Variants in CLIP2 observed in about 807,000 individuals in gnomAD.
The protein encoded by CLIP2 is CAP-Gly domain-containing linker protein 2.
A neutral mutation model predicts 111.7 loss-of-function variants in CLIP2; 41 were observed. The observed-to-expected ratio is 0.37, with a 90% CI of 0.29 to 0.48. CLIP2 has a LOEUF of 0.48. Among genes scored for constraint, CLIP2 ranks in the 20% least tolerant of loss-of-function variants. CLIP2 has a pLI of 0.99. For synonymous variants in CLIP2, 660 were observed against 644.2 expected (o/e 1.02, Z -0.37); for missense variants, 1,160 against 1,422.1 (o/e 0.82, Z 2.96).
chr7:74,379,284 G>A (rs916050007), intron 10 of CLIP2, among the ~76,000 whole-genome samples: 9 of 151,308 alleles, frequency 5.9e-5, no homozygotes, highest in South Asian at 2.1e-4. Flanking sequence ...AGCCAAGATC[G>A]TGCCACTGCA....
chr7:74,303,843 C>T (rs782603620), intron 1 of CLIP2, among the ~76,000 whole-genome samples: 3 of 143,626 alleles, frequency 2.1e-5, no homozygotes, highest in Non-Finnish European at 3.0e-5. Flanking sequence ...ACTCAGCAGG[C>T]GGAGGTTGCA....
chr7:74,310,983 CT>C (rs34526196), intron 1 of CLIP2, among the ~76,000 whole-genome samples: 40 of 142,190 alleles, frequency 2.8e-4, no homozygotes, highest in East Asian at 4.1e-4. Context: ...CTATTTTTAA[CT>C]TTTTTTTTTT....
At chr7:74,394,910 C>T (rs1791404264) in intron 13 of CLIP2, among the ~76,000 whole-genome samples, 1 of 152,168 alleles carries the variant, frequency 6.6e-6, no homozygotes, top group African/African-American at 2.4e-5. Flanking sequence ...TCACCTTCTC[C>T]GAGGAAGCTT....
At chr7:74,347,275 C>CT (rs1279710190) in intron 3 of CLIP2, among the ~76,000 whole-genome samples, 1 of 151,906 alleles carries the variant, frequency 6.6e-6, no homozygotes, top group African/African-American at 2.4e-5. Flanking sequence ...CATGTGTATT[C>CT]TTTTTCTTTT....
chr7:74,392,350 C>CA (rs56386461), intron 13 of CLIP2, among the ~76,000 whole-genome samples: 339 of 127,166 alleles, frequency 2.7e-3, no homozygotes, highest in Middle Eastern at 4.0e-3. Context: ...GACTCCATCT[C>CA]AAAAAAAAAA....
Position 74,295,464 on chromosome 7 carries a change from G to GTC in CLIP2, c.-68+5732_-68+5733dup, listed in dbSNP as rs1422379857. Among the ~76,000 whole-genome samples, 3 of 152,310 alleles carry GTC rather than the reference G, an allele frequency of 2.0e-5. No individual in the cohort carries two copies. In the South Asian group the frequency reaches 6.2e-4, roughly 32 times the overall value. On this transcript the variant is annotated intron_variant, in intron 1 of 16. Transcript: ENST00000223398. ...GCGGCGGGGAGAAGTAACGTTGGAT[G>GTC]TCTGGGTTTTTTGCCACCTCGTACC...
In CLIP2 at chr7:74,338,838, T is replaced by C; in HGVS notation, c.512T>C (p.Leu171Ser). ...TCGCTGACTGCCCAGAACCTGTCAT[T>C]GCATTCGGGCACGGCCACGCCCCCG... ...VESLTAQNLS[L>S]HSGTATPPLT... Residue 171 changes from leucine (L) to serine (S), a missense_variant, in exon 3 of 17, where the codon TTG (leucine) becomes TCG (serine). By Grantham distance (145) the Leu-to-Ser change is moderately radical (BLOSUM62 -2). Transcript: ENST00000223398. The surrounding 1 kb of genome is among the most constrained non-coding windows in gnomAD (Gnocchi z 4.3). The C allele has an allele frequency of 6.2e-7, 1 of 1,610,716 alleles. No individual in the cohort carries two copies. Among genetic ancestry groups the C allele is most frequent in the Non-Finnish European group, 8.5e-7 (1 of 1,179,886 alleles).
intron 14 of CLIP2, among the ~76,000 whole-genome samples, chr7:74,398,940 T>G (rs1268714001): frequency 1.3e-5 from 2 of 152,222 alleles, no homozygotes; most frequent in Non-Finnish European, 2.9e-5. Context: ...TGGTCAAGTT[T>G]ACTTGGGAAG....
In CLIP2 at chr7:74,316,424, T is replaced by A. The variant is rs180799713; in HGVS notation, c.-67-1056T>A. Reference sequence around the variant, plus strand: ...CACGCCTGGCTAATTTTTTATTTTTTATTTTCTGTAGCGACAAAGTCTTGC... The same window carrying A: ...CACGCCTGGCTAATTTTTTATTTTTAATTTTCTGTAGCGACAAAGTCTTGC... On this transcript the variant is annotated intron_variant, in intron 1 of 16. Transcript: ENST00000223398. Among the ~76,000 whole-genome samples the A allele has an allele frequency of 3.0e-4, 45 of 151,980 alleles. 1 individual carries two copies. The highest frequency in any genetic ancestry group is 1.1e-3 in the African/African-American group (44 of 41,486).
At chr7:74,322,495 C>A (rs1246426919) in intron 2 of CLIP2, among the ~76,000 whole-genome samples, 1 of 151,938 alleles carries the variant, frequency 6.6e-6, no homozygotes, top group African/African-American at 2.4e-5. Context: ...GTAATCCCAG[C>A]TACCCAAGAG....
intron 2 of CLIP2, among the ~76,000 whole-genome samples, chr7:74,330,265 T>A (rs2116535036): frequency 6.6e-6 from 1 of 150,456 alleles, no homozygotes; most frequent in African/African-American, 2.4e-5. Flanking sequence ...TTTTTTTTCT[T>A]TCTTTTTTGA....
intron 1 of CLIP2, among the ~76,000 whole-genome samples, chr7:74,302,499 C>T (rs1554726999): frequency 6.6e-6 from 1 of 152,156 alleles, no homozygotes; most frequent in African/African-American, 2.4e-5. Context: ...GAAGATGCCT[C>T]CTCTAAAACT....
chr7:74,348,244 G>A (rs1196238767), intron 3 of CLIP2, among the ~76,000 whole-genome samples: 2 of 152,124 alleles, frequency 1.3e-5, no homozygotes, highest in Non-Finnish European at 2.9e-5. Flanking sequence ...TGGAGAAAAA[G>A]GAGGGGAGAA....
At position 74,365,390 on chromosome 7, in the gene CLIP2, C is replaced by A. The variant is rs185790415; in HGVS notation, c.1380+1075C>A. ...GGGAGCTAAGCCCATCCATGTGCCC[C>A]TTACTCAGGGTCTCCTTCCGATCTG... On this transcript the variant is annotated intron_variant, in intron 8 of 16. Coordinates refer to ENST00000223398, the MANE Select transcript of CLIP2 (RefSeq NM_003388.5). Among the ~76,000 whole-genome samples the A allele has an allele frequency of 1.8e-3, 278 of 152,278 alleles. 1 individual carries two copies. Among genetic ancestry groups the A allele is most frequent in the African/African-American group, 6.5e-3 (269 of 41,564 alleles).
chr7:74,366,983 T>C (rs1392372714), intron 8 of CLIP2, among the ~76,000 whole-genome samples: 1 of 151,912 alleles, frequency 6.6e-6, no homozygotes, highest in African/African-American at 2.4e-5. Flanking sequence ...CCTTGGCCTG[T>C]ATAACTGCAT....
chr7:74,384,738 G>A (rs1012102291), intron 11 of CLIP2, among the ~76,000 whole-genome samples: 2 of 150,942 alleles, frequency 1.3e-5, no homozygotes. Flanking sequence ...GAGCCACCGC[G>A]CCTGGCCTCA....
At chr7:74,342,536 C>T (rs1240885372) in intron 3 of CLIP2, among the ~76,000 whole-genome samples, 1 of 152,190 alleles carries the variant, frequency 6.6e-6, no homozygotes, top group Non-Finnish European at 1.5e-5. Flanking sequence ...CTGAGGTAGC[C>T]ATGGAAGCTG....
rs1021333993 is a variant in CLIP2, at chr7:74,356,494, C to G, written c.888C>G (p.Ala296=). 2.5e-6 allele frequency: 4 copies of G among 1,614,112 alleles called. No individual in the cohort carries two copies. The Admixed American group carries it at 6.7e-5, about 27-fold the overall frequency. The change falls in exon 5 of 17, where the codon GCC becomes GCG. Residue 296 remains alanine (A), a synonymous_variant. Coordinates refer to ENST00000223398, the MANE Select transcript of CLIP2 (RefSeq NM_003388.5). Reference sequence around the variant, plus strand: ...TCGGCTTCCCATCTACCAGCCCAGCCAAGGCCAAGAAGACCAAGCGTATGG... The same window carrying G: ...TCGGCTTCCCATCTACCAGCCCAGCGAAGGCCAAGAAGACCAAGCGTATGG... ...IRIGFPSTSP[A]KAKKTKRMAM... is the part of the protein sequence containing the mutation.
chr7:74,332,974 C>T (rs1198988373), intron 2 of CLIP2, among the ~76,000 whole-genome samples: 1 of 152,226 alleles, frequency 6.6e-6, no homozygotes. Flanking sequence ...GCAGGACCCG[C>T]GTCCTCGCAG....
Sources: gnomAD v4.1 joint callset for allele counts (sites outside exome capture counted in the v4.1 genomes callset) on GRCh38, gnomAD v4.1.1 for gene constraint, Gnocchi (gnomAD v3.1) non-coding constraint, MANE v1.5 for transcripts, NCBI Gene and HGNC (gene_info 2026-07-23, HGNC 2026-07-21) for gene names.